The following NRXN3 variants were observed in gnomAD, a reference collection of about 807,000 sequenced individuals.
NRXN3 encodes neurexin 3, also known as neurexin III.
Under a neutral mutation model 137.6 loss-of-function variants are expected in NRXN3, and 32 were observed. The observed-to-expected ratio is 0.23, with a 90% CI of 0.18 to 0.31. The LOEUF (loss-of-function observed/expected upper bound fraction) is 0.31. Among genes scored for constraint, NRXN3 ranks in the 10% least tolerant of loss-of-function variants. The pLI is 1.00. For missense variants in NRXN3, 1,574 were observed against 2,062.5 expected (o/e 0.76, Z 4.59); for synonymous variants, 798 against 784.5 (o/e 1.02, Z -0.29).
At position 78,243,982 on chromosome 14, in the gene NRXN3, T is replaced by C. The variant is rs547055146; in HGVS notation, c.709+180T>C. ...TACTCTTAATGGAGAATCTGTCAGA[T>C]CTCAGCAGGAGTAGAATCCTGACCC... On this transcript the variant is annotated intron_variant, in intron 2 of 20. Coordinates refer to ENST00000335750, the MANE Select transcript of NRXN3 (RefSeq NM_001330195.2). This position sits in a 1 kb window ranked among gnomAD's most constrained non-coding sequence, Gnocchi z 4.2. Among the ~76,000 whole-genome samples, 1 of 152,262 alleles carries C rather than the reference T, an allele frequency of 6.6e-6. No individual in the cohort carries two copies. Among genetic ancestry groups the C allele is most frequent in the East Asian group, 1.9e-4 (1 of 5,184 alleles).
intron 4 of NRXN3, among the ~76,000 whole-genome samples, chr14:78,584,181 A>T (rs370271520): frequency 6.6e-6 from 1 of 152,166 alleles, no homozygotes; most frequent in Admixed American, 6.5e-5. Context: ...TATGTGGACC[A>T]TCTGTCTGTA....
intron 15 of NRXN3, among the ~76,000 whole-genome samples, chr14:79,306,298 A>G (rs2086055326): frequency 6.6e-6 from 1 of 152,080 alleles, no homozygotes; most frequent in Admixed American, 6.6e-5. Flanking sequence ...TCCTTGTTGA[A>G]GTCTCCTCAT....
chr14:78,832,614 G>C (rs1276054777), intron 10 of NRXN3, among the ~76,000 whole-genome samples: 1 of 151,722 alleles, frequency 6.6e-6, no homozygotes, highest in East Asian at 1.9e-4. Flanking sequence ...AGGACAAGAG[G>C]GTTAATTAAT....
At chr14:78,932,810 A>T (rs1277056441) in intron 10 of NRXN3, among the ~76,000 whole-genome samples, 2 of 152,152 alleles carry the variant, frequency 1.3e-5, no homozygotes, top group Non-Finnish European at 2.9e-5. Flanking sequence ...CTTTATATAT[A>T]TTTTTTATTG....
Position 78,936,573 on chromosome 14 carries a change from A to G in NRXN3, c.2276-20669A>G, listed in dbSNP as rs561614992. 1.2e-3 allele frequency among the ~76,000 whole-genome samples: 177 copies of G among 152,332 alleles called. 1 individual carries two copies. Among genetic ancestry groups the G allele is most frequent in the South Asian group, 4.8e-3 (23 of 4,830 alleles). ...AAGAGCCATGAGAAAACTTTTGAGG[A>G]TAATGTATATGTTGCTTATCTTGAT... On this transcript the variant is annotated intron_variant, in intron 10 of 20. Coordinates refer to ENST00000335750, the MANE Select transcript of NRXN3 (RefSeq NM_001330195.2).
At chr14:79,781,487 G>T (rs1015070226) in intron 19 of NRXN3, among the ~76,000 whole-genome samples, 3 of 152,226 alleles carry the variant, frequency 2.0e-5, no homozygotes, top group African/African-American at 4.8e-5. Context: ...CATGCTTCAT[G>T]AAAGTATATA....
chr14:79,213,632 G>C (rs896032073), intron 15 of NRXN3, among the ~76,000 whole-genome samples: 1 of 151,330 alleles, frequency 6.6e-6, no homozygotes, highest in Admixed American at 6.6e-5. Context: ...TTTTGGGGGG[G>C]GGTGGCGGGA....
chr14:79,194,355 TG>T (rs2064849265), intron 15 of NRXN3, among the ~76,000 whole-genome samples: 1 of 152,212 alleles, frequency 6.6e-6, no homozygotes, highest in Non-Finnish European at 1.5e-5. Flanking sequence ...TGAGCTAAAT[TG>T]TACAGCTGAC....
chr14:78,724,752 T>C (rs995893926), intron 8 of NRXN3, among the ~76,000 whole-genome samples: 1 of 152,236 alleles, frequency 6.6e-6, no homozygotes, highest in Non-Finnish European at 1.5e-5. Context: ...ATTTGAAATG[T>C]TGGCAACTGA....
chr14:79,852,502 G>C (rs1020173215), intron 20 of NRXN3, among the ~76,000 whole-genome samples: 1 of 152,080 alleles, frequency 6.6e-6, no homozygotes, highest in Non-Finnish European at 1.5e-5. Context: ...TTGAAGGATA[G>C]TATATGATAA....
intron 4 of NRXN3, among the ~76,000 whole-genome samples, chr14:78,377,109 C>T (rs368861560): frequency 6.6e-6 from 1 of 151,998 alleles, no homozygotes; most frequent in African/African-American, 2.4e-5. Flanking sequence ...CTTAATAATT[C>T]CAATTAAAGA....
chr14:79,209,364 A>G (rs533817481), intron 15 of NRXN3, among the ~76,000 whole-genome samples: 1 of 152,186 alleles, frequency 6.6e-6, no homozygotes, highest in Admixed American at 6.5e-5. Context: ...AGAGGGAATC[A>G]AGGGTATATT....
intron 2 of NRXN3, among the ~76,000 whole-genome samples, chr14:78,274,082 A>C (rs1485011351): frequency 2.0e-5 from 3 of 152,144 alleles, no homozygotes; most frequent in Admixed American, 1.3e-4. Context: ...TGTCCGTCCA[A>C]ATGATCTAGT....
chr14:79,445,940 A>C (rs1225202058), intron 15 of NRXN3, among the ~76,000 whole-genome samples: 1 of 152,144 alleles, frequency 6.6e-6, no homozygotes, highest in Non-Finnish European at 1.5e-5. Flanking sequence ...ATGACAGGTA[A>C]TGTGATCTAT....
intron 16 of NRXN3, among the ~76,000 whole-genome samples, chr14:79,637,740 T>TC: frequency 7.2e-6 from 1 of 139,722 alleles, no homozygotes; most frequent in Admixed American, 6.8e-5. Flanking sequence ...TTTTTTTTTT[T>TC]TTTTTTTGAG....
intron 15 of NRXN3, among the ~76,000 whole-genome samples, chr14:79,276,052 C>T (rs1031970988): frequency 1.3e-5 from 2 of 152,076 alleles, no homozygotes; most frequent in Non-Finnish European, 2.9e-5. Context: ...ACTCAAGGGA[C>T]CCACTAGAAA....
intron 10 of NRXN3, 76 bp from the exon 11 acceptor site, chr14:78,957,166 G>A (rs1489450629): frequency 6.7e-7 from 1 of 1,501,418 alleles, no homozygotes; most frequent in Admixed American, 1.8e-5. Flanking sequence ...GTGCACCAGT[G>A]TGGTTTTGAC....
intron 15 of NRXN3, among the ~76,000 whole-genome samples, chr14:79,008,093 A>G (rs1036326477): frequency 1.7e-4 from 26 of 152,138 alleles, no homozygotes; most frequent in African/African-American, 5.8e-4. Context: ...ATATCCACAT[A>G]AGAAGGGGTT....
At chr14:78,503,469 A>G (rs4903770) in intron 4 of NRXN3, among the ~76,000 whole-genome samples, 63,421 of 151,952 alleles carry the variant, frequency 0.42, 13,422 homozygotes, top group East Asian at 0.51. Flanking sequence ...TCTGGTAGGA[A>G]TCTAGGTTGT....
Sources: gnomAD v4.1 joint callset for allele counts (sites outside exome capture counted in the v4.1 genomes callset) on GRCh38, gnomAD v4.1.1 for gene constraint, Gnocchi (gnomAD v3.1) non-coding constraint, MANE v1.5 for transcripts, NCBI Gene and HGNC (gene_info 2026-07-23, HGNC 2026-07-21) for gene names.